Variants in LRP2 observed in about 807,000 individuals in gnomAD.
LRP2 encodes the protein LDL receptor related protein 2, also known as low-density lipoprotein receptor-related protein 2.
A neutral mutation model predicts 531.0 loss-of-function variants in LRP2; 172 were observed. The ratio of observed to expected loss-of-function variants is 0.32; its 90% confidence interval spans 0.29 to 0.37. LRP2 has a LOEUF of 0.37. LRP2 is among the 10% of genes least tolerant of loss of function. The probability of loss-of-function intolerance (pLI) is 1.00; values close to 1 mark genes in which losing one functional copy is unlikely to be tolerated. For synonymous variants in LRP2, 1,992 were observed against 2,027.6 expected (o/e 0.98, Z 0.47); for missense variants, 5,167 against 5,868.3 (o/e 0.88, Z 3.90).
rs529149843 is a variant in LRP2 at position 169,179,661 on chromosome 2, G to A, written c.10170-1635C>T. 3.9e-3 allele frequency among the ~76,000 whole-genome samples: 593 copies of A among 151,962 alleles called. 6 individuals carry two copies. The highest frequency in any genetic ancestry group is 6.9e-3 in the Non-Finnish European group (466 of 67,970). On this transcript the variant is annotated intron_variant, in intron 52 of 78. Coordinates refer to ENST00000649046, the MANE Select transcript of LRP2 (RefSeq NM_004525.3). ...CTTGAACCCAGGAGGCAGAGGTTGT[G>A]GTGAGCCGAGATCACGCCATCGCAC...
intron 1 of LRP2, among the ~76,000 whole-genome samples, chr2:169,348,830 G>T (rs531468574): frequency 6.6e-6 from 1 of 151,792 alleles, no homozygotes; most frequent in Non-Finnish European, 1.5e-5. Flanking sequence ...GTGGAGAAAA[G>T]GGGGGAGTCA....
Position 169,288,946 on chromosome 2 carries a change from A to G in LRP2, c.1042+80T>C, listed in dbSNP as rs1312022631. On this transcript the variant is annotated intron_variant, in intron 9 of 78. Transcript: ENST00000649046. ...ACCATGACGACTCTCCACAAGTGCA[A>G]CCTCCTAGATGTCAGAGATCAGGGC... The G allele has an allele frequency of 3.1e-6, 5 of 1,604,326 alleles. No homozygotes were observed. In the Admixed American group the frequency reaches 5.0e-5, roughly 16 times the overall value.
At position 169,291,045 on chromosome 2, in the gene LRP2, C is replaced by A. The variant is rs767907246; in HGVS notation, c.770-48G>T. The A allele has an allele frequency of 3.2e-6, 5 of 1,576,236 alleles. No homozygotes were observed. In the South Asian group the frequency reaches 5.6e-5, roughly 18 times the overall value. On this transcript the variant is annotated intron_variant, in intron 7 of 78. Coordinates refer to ENST00000649046, the MANE Select transcript of LRP2 (RefSeq NM_004525.3). ...TTACAGGCCATAGGGGAGGTACAGCCAGCTCTTTGTTAATCAGTGGTTTAC... is the reference window on the plus strand; with the variant it reads ...TTACAGGCCATAGGGGAGGTACAGCAAGCTCTTTGTTAATCAGTGGTTTAC...
chr2:169,295,855 TG>T (rs1341248280), intron 4 of LRP2, among the ~76,000 whole-genome samples: 1 of 152,148 alleles, frequency 6.6e-6, no homozygotes, highest in Non-Finnish European at 1.5e-5. Context: ...ATATCTTCCT[TG>T]GTCTGACCAT....
chr2:169,277,629 T>C lies in LRP2; in HGVS notation c.1772+116A>G. ...GTCAGTACAAAGGTCATTAAAGCTA[T>C]CATGTCCACCAACAAAGCAATATTT... is the stretch of plus-strand genomic sequence containing the variant. On this transcript the variant is annotated intron_variant, in intron 13 of 78. Transcript: ENST00000649046. 3 of 933,308 alleles carry C rather than the reference T, an allele frequency of 3.2e-6. No homozygotes were observed. In the South Asian group the frequency reaches 4.3e-5, roughly 13 times the overall value. 57.8% of individuals were successfully genotyped at this position (933,308 alleles called of 1,614,324 possible).
chr2:169,181,709 T>C (rs1161096603), intron 51 of LRP2, 91 bp from the exon 52 acceptor site: 30 of 973,344 alleles, frequency 3.1e-5, no homozygotes, highest in Non-Finnish European at 4.6e-5. Flanking sequence ...AGAAATGGAG[T>C]CTGCATTCTG....
rs890631328 is a variant in LRP2 at position 169,138,143 on chromosome 2, C to T, written c.13518+434G>A. On this transcript the variant is annotated intron_variant, in intron 75 of 78. Coordinates refer to ENST00000649046, the MANE Select transcript of LRP2 (RefSeq NM_004525.3). ...GTGGCAGAGCCGTGGTCTGGACCAA[C>T]GCCAACTCTAAAATCACTGTTTATT... Among the ~76,000 whole-genome samples, 3 of 152,140 alleles carry T rather than the reference C, an allele frequency of 2.0e-5. No homozygotes were observed. In the South Asian group the frequency reaches 6.2e-4, roughly 31 times the overall value.
In LRP2 at chr2:169,188,228, C is replaced by T; in HGVS notation, c.9070G>A (p.Glu3024Lys). The T allele has an allele frequency of 1.2e-6, 2 of 1,614,158 alleles. No homozygotes were observed. The highest frequency in any genetic ancestry group is 2.2e-5 in the South Asian group (2 of 91,082). ...RHNDCGDYSD[E>K]RGCLYQTCQQ... ...CAAGTCTGGTATAAGCAGCCCCTCT[C>T]GTCGCTATAGTCACCACAGTCATTG... Residue 3024 changes from glutamate to lysine, a missense_variant, in exon 49 of 79, where the codon GAG becomes AAG. Coordinates refer to ENST00000649046, the MANE Select transcript of LRP2 (RefSeq NM_004525.3).
rs373179621 is a variant in LRP2 at position 169,166,022 on chromosome 2, G to A, written c.11668C>T (p.Arg3890Trp). The change falls in exon 62 of 79, where the codon CGG becomes TGG. Residue 3890 changes from arginine to tryptophan, a missense_variant. Coordinates refer to ENST00000649046, the MANE Select transcript of LRP2 (RefSeq NM_004525.3). ...TAAATGCAGCGATTGTTGTCACACCGGAAACGGTTTGGTGAATTACAGGGA... is the reference window on the plus strand; with the variant it reads ...TAAATGCAGCGATTGTTGTCACACCAGAAACGGTTTGGTGAATTACAGGGA... ...DVPCNSPNRFRCDNNRCIYSH... is the reference protein window; with the variant it reads ...DVPCNSPNRFWCDNNRCIYSH... 2.9e-5 allele frequency: 47 copies of A among 1,613,836 alleles called. No homozygotes were observed. The highest frequency in any genetic ancestry group is 6.7e-5 in the African/African-American group (5 of 74,886).
chr2:169,309,972 T>G (rs1684546219), intron 3 of LRP2, among the ~76,000 whole-genome samples: 1 of 152,138 alleles, frequency 6.6e-6, no homozygotes, highest in Non-Finnish European at 1.5e-5. Context: ...GGTATTTTAT[T>G]CTCTTTGAAG....
At chr2:169,313,238 G>A (rs1684666475) in intron 3 of LRP2, among the ~76,000 whole-genome samples, 1 of 152,176 alleles carries the variant, frequency 6.6e-6, no homozygotes, top group African/African-American at 2.4e-5. Flanking sequence ...ATCCAGCTTT[G>A]TTCTGTTGCT....
At chr2:169,179,858 AG>A (rs1687363770) in intron 52 of LRP2, among the ~76,000 whole-genome samples, 1 of 152,052 alleles carries the variant, frequency 6.6e-6, no homozygotes, top group Non-Finnish European at 1.5e-5. Context: ...TTCTGAACAC[AG>A]GCATTGCTAC....
rs78344443 is a variant in LRP2, at chr2:169,216,094, C to T, written c.5826+159G>A. ...CTGGACTTCAGCTAGGGGCGAGGTA[C>T]GTGCAAGGGAGAGAAGTTATTGGGA... is the stretch of plus-strand genomic sequence containing the variant. On this transcript the variant is annotated intron_variant, in intron 35 of 78. Transcript: ENST00000649046. Among the ~76,000 whole-genome samples, 2,719 of 152,034 alleles carry T rather than the reference C, an allele frequency of 0.018. 83 individuals carry two copies. The highest frequency in any genetic ancestry group is 0.059 in the African/African-American group (2,457 of 41,496).
At chr2:169,315,871 C>T (rs2544378) in intron 3 of LRP2, among the ~76,000 whole-genome samples, 49,415 of 150,264 alleles carry the variant, frequency 0.33, 8,612 homozygotes, top group African/African-American at 0.46. Flanking sequence ...CACCTATCAT[C>T]CCAGCACTTG....
At chr2:169,292,224 T>G in intron 7 of LRP2, 29 bp downstream of exon 7, 1 of 1,484,514 alleles carries the variant, frequency 6.7e-7, no homozygotes, top group South Asian at 1.1e-5. Context: ...AGAAAATGCT[T>G]TTCAGTAGGA....
chr2:169,330,073 C>T (rs189535325), intron 1 of LRP2, among the ~76,000 whole-genome samples: 7 of 152,278 alleles, frequency 4.6e-5, no homozygotes, highest in East Asian at 3.9e-4. Context: ...AGTGTCATCC[C>T]GAAACCATCC....
intron 52 of LRP2, among the ~76,000 whole-genome samples, chr2:169,178,365 T>C (rs919026565): frequency 3.9e-5 from 6 of 152,214 alleles, no homozygotes; most frequent in Non-Finnish European, 8.8e-5. Flanking sequence ...ATGTTCCTCA[T>C]TAAGCACCCT....
At chr2:169,193,096 G>A (rs1195413252) in intron 47 of LRP2, among the ~76,000 whole-genome samples, 2 of 152,188 alleles carry the variant, frequency 1.3e-5, no homozygotes, top group African/African-American at 4.8e-5. Flanking sequence ...AAGGAAACCA[G>A]AGACAGTTCA....
At position 169,205,680 on chromosome 2, in the gene LRP2, T is replaced by G. The variant is rs752888274; in HGVS notation, c.7557-43A>C. On this transcript the variant is annotated intron_variant, in intron 40 of 78. Transcript: ENST00000649046. ...GTCAATAATTAATTCACAGGGAACC[T>G]CATAGTCCTTTAAAAAAAAAAAAAA... 5.3e-6 allele frequency: 8 copies of G among 1,515,692 alleles called. No individual in the cohort carries two copies. The East Asian group carries it at 1.6e-4, about 30-fold the overall frequency. 93.9% of individuals were successfully genotyped at this position (1,515,692 alleles called of 1,614,324 possible).
Sources: gnomAD v4.1 joint callset for allele counts (sites outside exome capture counted in the v4.1 genomes callset) on GRCh38, gnomAD v4.1.1 for gene constraint, MANE v1.5 for transcripts, NCBI Gene and HGNC (gene_info 2026-07-23, HGNC 2026-07-21) for gene names.